The following BIN1 variants were observed in gnomAD, a reference collection of about 807,000 sequenced individuals.
BIN1 encodes bridging integrator 1.
BIN1 carries 53 observed loss-of-function variants against 82.0 expected under a neutral mutation model. The ratio of observed to expected loss-of-function variants is 0.65; its 90% CI spans 0.52 to 0.81. BIN1 has a LOEUF of 0.81. BIN1 is among the 40% of genes least tolerant of loss of function. The pLI, the probability that BIN1 is intolerant of heterozygous loss-of-function variation, is 0.00. For synonymous variants in BIN1, 302 were observed against 328.0 expected, an observed-to-expected ratio of 0.92 and a Z score of 0.86; for missense variants, 642 against 784.4, an observed-to-expected ratio of 0.82 and a Z score of 2.17.
chr2:127,060,464 C>T, intron 10 of BIN1: 4 of 1,376,846 alleles, frequency 2.9e-6, no homozygotes, highest in Non-Finnish European at 4.1e-6. Context: ...CACACGACAG[C>T]CCTGCCGGGC....
At chr2:127,072,562 A>C (rs1018040138) in intron 2 of BIN1, among the ~76,000 whole-genome samples, 1 of 152,274 alleles carries the variant, frequency 6.6e-6, no homozygotes, top group East Asian at 1.9e-4. Flanking sequence ...CAGTAGAGAC[A>C]TCCACAGGGG....
chr2:127,087,993 A>G (rs941057416), intron 1 of BIN1, among the ~76,000 whole-genome samples: 1 of 151,968 alleles, frequency 6.6e-6, no homozygotes, highest in Non-Finnish European at 1.5e-5. Flanking sequence ...CCAGCTGCCC[A>G]GGCCTCACCC....
intron 1 of BIN1, among the ~76,000 whole-genome samples, chr2:127,086,318 A>T (rs1028880688): frequency 6.6e-6 from 1 of 152,156 alleles, no homozygotes; most frequent in African/African-American, 2.4e-5. Flanking sequence ...GCTGAAGAAG[A>T]TTCACACTCC....
In BIN1 at chr2:127,107,038, G is replaced by A; in HGVS notation, c.-95C>T. 2 of 1,265,406 alleles carry A rather than the reference G, an allele frequency of 1.6e-6. No homozygotes were observed. The highest frequency in any genetic ancestry group is 1.0e-6 in the Non-Finnish European group (1 of 978,562). 78.4% of individuals were successfully genotyped at this position (1,265,406 alleles called of 1,614,324 possible). A position where few individuals can be genotyped will look rare whatever the true frequency, so the allele number is the denominator to read the frequency against. ...GCCCCCAGCCCCGGCCGCGCGTCCAGACCGGCTGCCGCTCCACGCCGCGCA... is the reference window on the plus strand; with the variant it reads ...GCCCCCAGCCCCGGCCGCGCGTCCAAACCGGCTGCCGCTCCACGCCGCGCA... On this transcript the variant is annotated 5_prime_UTR_variant, in exon 1 of 19. Coordinates refer to ENST00000316724, the MANE Select transcript of BIN1 (RefSeq NM_139343.3). The surrounding 1 kb of genome is among the most constrained non-coding windows in gnomAD (Gnocchi z 5.9).
intron 1 of BIN1, among the ~76,000 whole-genome samples, chr2:127,088,247 G>T (rs4662705): frequency 0.6 from 90,465 of 151,986 alleles, 27,095 homozygotes; most frequent in African/African-American, 0.64. Flanking sequence ...CCCTGCCAAC[G>T]CCCACCCAAA....
intron 1 of BIN1, among the ~76,000 whole-genome samples, chr2:127,095,390 G>T (rs1032606620): frequency 2.6e-5 from 4 of 152,214 alleles, no homozygotes; most frequent in Non-Finnish European, 4.4e-5. Flanking sequence ...CCCTGGCGGG[G>T]TCACTGGTGG....
At position 127,057,297 on chromosome 2, in the gene BIN1, GTGATGGAGGA is replaced by G. The variant is rs1317769264; in HGVS notation, c.1131+166_1131+175del. 1.3e-5 allele frequency among the ~76,000 whole-genome samples: 2 copies of G among 152,248 alleles called. No individual in the cohort carries two copies. The highest frequency in any genetic ancestry group is 4.8e-5 in the African/African-American group (2 of 41,464). On this transcript the variant is annotated intron_variant, in intron 12 of 18. Coordinates refer to ENST00000316724, the MANE Select transcript of BIN1 (RefSeq NM_139343.3). The surrounding 1 kb of genome is among the most constrained non-coding windows in gnomAD (Gnocchi z 5.0). ...GGCCTTAGTACATGCTCAGAGATGG[GTGATGGAGGA>G]TGATGGAGGATGATGGATGGAGGGA...
rs371322455 is a variant in BIN1 at position 127,057,629 on chromosome 2, G to A, written c.1003-28C>T. 1.1e-4 allele frequency: 167 copies of A among 1,495,550 alleles called. No individual in the cohort carries two copies. The highest frequency in any genetic ancestry group is 1.3e-4 in the South Asian group (10 of 76,318). 92.6% of individuals were successfully genotyped at this position (1,495,550 alleles called of 1,614,324 possible). A position where few individuals can be genotyped will look rare whatever the true frequency, so the allele number is the denominator to read the frequency against. ...GTGGGTCGGCGGCGGGTGAGGGGCC[G>A]CGCGGGAAGGCACAGCAGAGCACGG... On this transcript the variant is annotated intron_variant, in intron 11 of 18. Coordinates refer to ENST00000316724, the MANE Select transcript of BIN1 (RefSeq NM_139343.3). The surrounding 1 kb of genome is among the most constrained non-coding windows in gnomAD (Gnocchi z 5.0).
intron 2 of BIN1, among the ~76,000 whole-genome samples, chr2:127,071,075 A>T (rs1351506361): frequency 6.6e-6 from 1 of 152,138 alleles, no homozygotes; most frequent in African/African-American, 2.4e-5. Flanking sequence ...GGAAGGCAGG[A>T]AGACAAAGAC....
At chr2:127,058,896 T>A (rs1684062172) in intron 11 of BIN1, 115 bp downstream of exon 11, 7 of 1,455,554 alleles carry the variant, frequency 4.8e-6, no homozygotes, top group Non-Finnish European at 6.5e-6. Flanking sequence ...AAGCATCGGG[T>A]CCATAGCTGC....
At chr2:127,072,126 G>C (rs932115132) in intron 2 of BIN1, among the ~76,000 whole-genome samples, 1 of 152,224 alleles carries the variant, frequency 6.6e-6, no homozygotes, top group Non-Finnish European at 1.5e-5. Flanking sequence ...TGCCTGCAGC[G>C]CTCCAGTCTG....
rs1573569653 is a variant in BIN1 at position 127,057,391 on chromosome 2, C to T, written c.1131+82G>A. ...CTGGCCAGATTCCTGGCTCTTGAGA[C>T]AGAAGCATAGAGGATGAAGGCCATG... On this transcript the variant is annotated intron_variant, in intron 12 of 18. Coordinates refer to ENST00000316724, the MANE Select transcript of BIN1 (RefSeq NM_139343.3). The surrounding 1 kb of genome is among the most constrained non-coding windows in gnomAD (Gnocchi z 5.0). 1 of 1,434,176 alleles carries T rather than the reference C, an allele frequency of 7.0e-7. No individual in the cohort carries two copies. The highest frequency in any genetic ancestry group is 9.2e-7 in the Non-Finnish European group (1 of 1,088,176). 88.8% of individuals were successfully genotyped at this position (1,434,176 alleles called of 1,614,324 possible). A position where few individuals can be genotyped will look rare whatever the true frequency, so the allele number is the denominator to read the frequency against.
intron 1 of BIN1, among the ~76,000 whole-genome samples, chr2:127,105,366 T>C (rs1680906139): frequency 6.6e-6 from 1 of 152,050 alleles, no homozygotes; most frequent in Non-Finnish European, 1.5e-5. Flanking sequence ...TACCCAGTCA[T>C]GGCAGCCCGG....
Position 127,063,667 on chromosome 2 carries a change from G to A in BIN1, c.699-21C>T, listed in dbSNP as rs377250000. Reference sequence around the variant, plus strand: ...CGCGGCTACAGAAGGGCGGAAGGATGGGGGCCAGGTGAACAGGCAGGTCAG... The same window carrying A: ...CGCGGCTACAGAAGGGCGGAAGGATAGGGGCCAGGTGAACAGGCAGGTCAG... On this transcript the variant is annotated intron_variant, in intron 8 of 18. Coordinates refer to ENST00000316724, the MANE Select transcript of BIN1 (RefSeq NM_139343.3). 10 of 1,611,040 alleles carry A rather than the reference G, an allele frequency of 6.2e-6. No homozygotes were observed. In the African/African-American group the frequency reaches 1.1e-4, roughly 17 times the overall value.
rs1220192029 is a variant in BIN1, at chr2:127,093,104, G to A, written c.84+13756C>T. Among the ~76,000 whole-genome samples the A allele has an allele frequency of 1.3e-5, 2 of 151,722 alleles. No homozygotes were observed. The highest frequency in any genetic ancestry group is 2.9e-5 in the Non-Finnish European group (2 of 68,020). On this transcript the variant is annotated intron_variant, in intron 1 of 18. Transcript: ENST00000316724. This position sits in a 1 kb window ranked among gnomAD's most constrained non-coding sequence, Gnocchi z 5.7. ...CACGCTAGGGCTGTCCACAGAGAGA[G>A]GGGTCAGGGAGGGAGGGCGGAAGGG...
chr2:127,088,924 TGAGGTGGACGG>T (rs1448451793), intron 1 of BIN1, among the ~76,000 whole-genome samples: 3 of 151,864 alleles, frequency 2.0e-5, no homozygotes, highest in Non-Finnish European at 4.4e-5. Context: ...GCAAAGGCCC[TGAGGTGGACGG>T]GAGGGATGCC....
At chr2:127,087,395 A>G (rs1678317820) in intron 1 of BIN1, among the ~76,000 whole-genome samples, 1 of 152,180 alleles carries the variant, frequency 6.6e-6, no homozygotes, top group African/African-American at 2.4e-5. Flanking sequence ...CCTCTCTCTC[A>G]TCCCTCCCAG....
At chr2:127,081,677 C>A (rs902369781) in intron 1 of BIN1, among the ~76,000 whole-genome samples, 5 of 152,202 alleles carry the variant, frequency 3.3e-5, no homozygotes, top group African/African-American at 1.2e-4. Context: ...GGCTCCTCCA[C>A]CAGCCAGCGG....
Position 127,068,364 on chromosome 2 carries a change from G to C in BIN1, c.520-109C>G, listed in dbSNP as rs563373333. The C allele has an allele frequency of 1.1e-4, 93 of 820,250 alleles. No individual in the cohort carries two copies. The East Asian group carries it at 2.4e-3, about 21-fold the overall frequency. The allele number at this position is 820,250 out of a possible 1,614,324, so 50.8% of individuals were successfully genotyped here. A position where few individuals can be genotyped will look rare whatever the true frequency, so the allele number is the denominator to read the frequency against. On this transcript the variant is annotated intron_variant, in intron 6 of 18. Transcript: ENST00000316724. The surrounding 1 kb of genome is among the most constrained non-coding windows in gnomAD (Gnocchi z 4.9). ...AGGTCCACACGCCCCACGCGCGGGG[G>C]CCACCCCAAGCAGATATGGGCCCTT... is the stretch of plus-strand genomic sequence containing the variant.
Sources: allele counts gnomAD v4.1 joint callset (sites outside exome capture counted in the v4.1 genomes callset), GRCh38; gene constraint gnomAD v4.1.1; non-coding constraint Gnocchi (gnomAD v3.1); transcripts MANE v1.5; gene names NCBI Gene and HGNC (gene_info 2026-07-23, HGNC 2026-07-21).